COL20A1: variants seen among roughly 807,000 people sequenced by gnomAD.
COL20A1 encodes the protein collagen alpha-1(XX) chain.
A neutral mutation model predicts 152.9 loss-of-function variants in COL20A1; 164 were observed. The observed-to-expected ratio is 1.07, with a 90% CI of 0.94 to 1.22. The LOEUF is 1.22. Among genes scored for constraint, COL20A1 ranks in the 50% most tolerant of loss-of-function variants. The pLI is 0.00. For synonymous variants in COL20A1, 864 were observed against 756.0 expected (o/e 1.14, Z -2.34); for missense variants, 1,873 against 1,744.8 (o/e 1.07, Z -1.31).
At position 63,319,081 on chromosome 20, in the gene COL20A1, C is replaced by T. The variant is rs751020620; in HGVS notation, c.2687C>T (p.Pro896Leu). Residue 896 changes from proline (P) to leucine (L), a missense_variant, in exon 22 of 36, where the codon CCT becomes CTT. Pro to Leu is a moderately conservative substitution (Grantham distance 98). Transcript: ENST00000358894. This position sits in a 1 kb window ranked among gnomAD's most constrained non-coding sequence, Gnocchi z 4.4. ...RVSDVYPAPL[P>L]PEHTIVFLVR... Reference sequence around the variant, plus strand: ...AGTGACGTCTACCCAGCCCCCCTACCTCCAGAGCACACCATCGTCTTCCTT... The same window carrying T: ...AGTGACGTCTACCCAGCCCCCCTACTTCCAGAGCACACCATCGTCTTCCTT... 7.4e-6 allele frequency: 12 copies of T among 1,612,754 alleles called. No individual in the cohort carries two copies. Among genetic ancestry groups the T allele is most frequent in the South Asian group, 1.1e-5 (1 of 91,048 alleles).
intron 7 of COL20A1, 48 bp from the exon 8 acceptor site, chr20:63,308,494 G>C: frequency 6.7e-7 from 1 of 1,495,058 alleles, no homozygotes; most frequent in Non-Finnish European, 9.0e-7. Context: ...CGAGCACCAG[G>C]AGGGGATGCT....
intron 20 of COL20A1, among the ~76,000 whole-genome samples, chr20:63,316,145 T>C (rs952883842): frequency 7.8e-6 from 1 of 127,646 alleles, no homozygotes; most frequent in African/African-American, 3.0e-5. Flanking sequence ...AAAACGACCC[T>C]GGGCGGGCGG....
rs376373104 is a variant in COL20A1 at position 63,312,901 on chromosome 20, G to C, written c.2043G>C (p.Thr681=). 6 of 1,558,018 alleles carry C rather than the reference G, an allele frequency of 3.9e-6. No homozygotes were observed. Among genetic ancestry groups the C allele is most frequent in the Non-Finnish European group, 3.5e-6 (4 of 1,151,014 alleles). Residue 681 remains threonine (T), a synonymous_variant, in exon 16 of 36, where the codon ACG becomes ACC. Transcript: ENST00000358894. ...APSGVLVYQI[T]WTPLGEGKAH... ...CTGGCGTGCTTGTCTACCAGATCAC[G>C]TGGACGCCCCTGGGAGAGGGGAAGG... is the stretch of plus-strand genomic sequence containing the variant.
intron 29 of COL20A1, 136 bp downstream of exon 29, chr20:63,325,857 AC>A: frequency 2.4e-6 from 2 of 841,114 alleles, no homozygotes; most frequent in Non-Finnish European, 1.9e-6. Context: ...CTGCTGCACC[AC>A]CCCCTTCAGC....
chr20:63,307,385 C>T (rs888921192), intron 5 of COL20A1, 105 bp from the exon 6 acceptor site: 1 of 1,136,028 alleles, frequency 8.8e-7, no homozygotes. Flanking sequence ...GAAACCTGGC[C>T]CAGCCTGCCT....
chr20:63,325,682 C>T lies in COL20A1; in HGVS notation c.3363C>T (p.His1121=), dbSNP rs767935069. ...GLPGLQGHPG[H]QGIPGRVGLQ... is the part of the protein sequence containing the mutation. Reference sequence around the variant, plus strand: ...TTCTCTCCCAGGGCCACCCCGGCCACCAGGGCATCCCCGGGAGAGTTGGCC... The same window carrying T: ...TTCTCTCCCAGGGCCACCCCGGCCATCAGGGCATCCCCGGGAGAGTTGGCC... Residue 1121 remains histidine (H), a synonymous_variant, in exon 29 of 36, where the codon CAC becomes CAT. Transcript: ENST00000358894. 8.9e-5 allele frequency: 144 copies of T among 1,611,164 alleles called. No homozygotes were observed. The highest frequency in any genetic ancestry group is 1.2e-4 in the Non-Finnish European group (140 of 1,179,460).
In COL20A1 at chr20:63,305,552, A is replaced by G; in HGVS notation, c.329A>G (p.Glu110Gly). 3.8e-6 allele frequency: 6 copies of G among 1,595,764 alleles called. No individual in the cohort carries two copies. The highest frequency in any genetic ancestry group is 5.1e-6 in the Non-Finnish European group (6 of 1,172,582). ...GGGCGCTTCCTGCTAGCTCGGAGGG[A>G]GTTTGTGAGTAAGTCCACCGTCTGC... is the stretch of plus-strand genomic sequence containing the variant. ...GSGRFLLARR[E>G]FVIEDLKSSS... Residue 110 changes from glutamate to glycine, a missense_variant, in exon 4 of 36, where the codon GAG becomes GGG. Coordinates refer to ENST00000358894, the MANE Select transcript of COL20A1 (RefSeq NM_020882.4). This position sits in a 1 kb window ranked among gnomAD's most constrained non-coding sequence, Gnocchi z 4.9.
Position 63,319,080 on chromosome 20 carries a change from C to T in COL20A1, c.2686C>T (p.Pro896Ser), listed in dbSNP as rs1228225711. Residue 896 changes from proline (P) to serine (S), a missense_variant, in exon 22 of 36, where the codon CCT becomes TCT. By Grantham distance (74) the Pro-to-Ser change is moderately conservative. Coordinates refer to ENST00000358894, the MANE Select transcript of COL20A1 (RefSeq NM_020882.4). The surrounding 1 kb of genome is among the most constrained non-coding windows in gnomAD (Gnocchi z 4.4). ...CAGTGACGTCTACCCAGCCCCCCTA[C>T]CTCCAGAGCACACCATCGTCTTCCT... ...RVSDVYPAPL[P>S]PEHTIVFLVR... is the part of the protein sequence containing the mutation. 2 of 1,610,848 alleles carry T rather than the reference C, an allele frequency of 1.2e-6. No homozygotes were observed. The highest frequency in any genetic ancestry group is 1.7e-6 in the Non-Finnish European group (2 of 1,177,722).
intron 3 of COL20A1, among the ~76,000 whole-genome samples, chr20:63,302,887 C>T (rs1219812915): frequency 6.6e-6 from 1 of 152,194 alleles, no homozygotes; most frequent in Non-Finnish European, 1.5e-5. Flanking sequence ...CAGTTACATC[C>T]TGGAAGTTTG....
In COL20A1 at chr20:63,326,143, C is replaced by A; in HGVS notation, c.3450C>A (p.Gly1150=). ...EGTAGLPGPP[G]PRGFQGMAGA... is the part of the protein sequence containing the mutation. ...CTGCTGGCCTGCCTGGACCCCCTGG[C>A]CCCAGGGTAGGCACCGACCTCCCAT... Residue 1150 remains glycine (G), a synonymous_variant, in exon 30 of 36, where the codon GGC becomes GGA. Coordinates refer to ENST00000358894, the MANE Select transcript of COL20A1 (RefSeq NM_020882.4). The A allele has an allele frequency of 3.7e-6, 6 of 1,611,866 alleles. No homozygotes were observed. The highest frequency in any genetic ancestry group is 5.1e-6 in the Non-Finnish European group (6 of 1,178,970).
rs1037803437 is a variant in COL20A1, at chr20:63,305,642, C to G, written c.337+82C>G. On this transcript the variant is annotated intron_variant, in intron 4 of 35. Transcript: ENST00000358894. This position sits in a 1 kb window ranked among gnomAD's most constrained non-coding sequence, Gnocchi z 4.9. ...CTCTGGGCTGGGGTCCCACCCTCCT[C>G]CAGGCTGCGTTCCAGCCCCAGGGGT... 6.9e-7 allele frequency: 1 copy of G among 1,442,074 alleles called. No homozygotes were observed. Among genetic ancestry groups the G allele is most frequent in the African/African-American group, 1.4e-5 (1 of 70,102 alleles). The allele number at this position is 1,442,074 out of a possible 1,614,324, so 89.3% of individuals were successfully genotyped here.
chr20:63,307,371 C>T, intron 5 of COL20A1, 119 bp from the exon 6 acceptor site: 5 of 952,334 alleles, frequency 5.3e-6, no homozygotes, highest in Non-Finnish European at 7.8e-6. Flanking sequence ...GAGTCCTTTC[C>T]CCTGAAACCT....
chr20:63,326,831 C>G lies in COL20A1; in HGVS notation c.3528+8C>G. On this transcript the variant is annotated splice_region_variant and intron_variant, in intron 31 of 35. Transcript: ENST00000358894. ...GGGACCGTGGGGCCCACAGTAAGTG[C>G]ATTTCCAACACCCACCAGCCAACCA... 1 of 1,493,330 alleles carries G rather than the reference C, an allele frequency of 6.7e-7. No homozygotes were observed. The highest frequency in any genetic ancestry group is 8.8e-7 in the Non-Finnish European group (1 of 1,132,130). 92.5% of individuals were successfully genotyped at this position (1,493,330 alleles called of 1,614,324 possible).
intron 20 of COL20A1, among the ~76,000 whole-genome samples, chr20:63,316,161 G>A (rs549325623): frequency 2.3e-4 from 35 of 152,204 alleles, no homozygotes; most frequent in African/African-American, 6.7e-4. Context: ...GGCGGGGGAC[G>A]CGGTGCAGTG....
At chr20:63,330,411 G>A (rs1194510645) in intron 35 of COL20A1, among the ~76,000 whole-genome samples, 1 of 152,138 alleles carries the variant, frequency 6.6e-6, no homozygotes, top group Non-Finnish European at 1.5e-5. Context: ...GGGGCTCCTG[G>A]TAAGGCTGGG....
chr20:63,312,541 T>A lies in COL20A1; in HGVS notation c.1925T>A (p.Val642Glu). The A allele has an allele frequency of 6.3e-7, 1 of 1,582,386 alleles. No individual in the cohort carries two copies. Residue 642 changes from valine to glutamate, a missense_variant, in exon 15 of 36, where the codon GTG (valine) becomes GAG (glutamate). Val to Glu is a moderately radical substitution (Grantham distance 121). Transcript: ENST00000358894. ...GGCTCCTCTACGCTGACTGGCCGGGTGACCACCAGTGAGTGGGGAGAGGCT... is the reference window on the plus strand; with the variant it reads ...GGCTCCTCTACGCTGACTGGCCGGGAGACCACCAGTGAGTGGGGAGAGGCT... ...GGGSSTLTGR[V>E]TTKKAPSPSQ...
Position 63,313,142 on chromosome 20 carries a change from C to G in COL20A1, c.2102C>G (p.Thr701Arg), listed in dbSNP as rs113242150. ...HEISVPGNLG[T>R]AVLPGLGRHT... ...ATCTCTGTCCCAGGGAACCTCGGCA[C>G]GGCCGTCCTGCCTGGCCTAGGGAGG... The change falls in exon 17 of 36, where the codon ACG becomes AGG. Residue 701 changes from threonine to arginine, a missense_variant. Coordinates refer to ENST00000358894, the MANE Select transcript of COL20A1 (RefSeq NM_020882.4). This position sits in a 1 kb window ranked among gnomAD's most constrained non-coding sequence, Gnocchi z 5.9. 2 of 1,611,088 alleles carry G rather than the reference C, an allele frequency of 1.2e-6. No homozygotes were observed. Among genetic ancestry groups the G allele is most frequent in the Non-Finnish European group, 1.7e-6 (2 of 1,179,232 alleles).
At chr20:63,300,919 C>G (rs1316894592) in intron 3 of COL20A1, among the ~76,000 whole-genome samples, 3 of 152,224 alleles carry the variant, frequency 2.0e-5, no homozygotes, top group Non-Finnish European at 4.4e-5. Flanking sequence ...GTGTGTTTCT[C>G]AGTTTTAAAA....
chr20:63,315,461 C>G, intron 20 of COL20A1, 22 bp downstream of exon 20: 2 of 1,557,858 alleles, frequency 1.3e-6, no homozygotes, highest in Non-Finnish European at 1.7e-6. Context: ...ATGCCCTCCC[C>G]TGCCTGCCCA....
Sources: allele counts gnomAD v4.1 joint callset (sites outside exome capture counted in the v4.1 genomes callset), GRCh38; gene constraint gnomAD v4.1.1; non-coding constraint Gnocchi (gnomAD v3.1); transcripts MANE v1.5; gene names NCBI Gene and HGNC (gene_info 2026-07-23, HGNC 2026-07-21).